DSG1: variants seen among roughly 807,000 people sequenced by gnomAD.
The protein encoded by DSG1 is desmoglein-1.
DSG1 carries 39 observed loss-of-function variants against 97.5 expected under a neutral mutation model. The observed-to-expected ratio is 0.40, with a 90% CI of 0.31 to 0.52. The LOEUF (loss-of-function observed/expected upper bound fraction) is 0.52. Among genes scored for constraint, DSG1 ranks in the 20% least tolerant of loss-of-function variants. The probability of loss-of-function intolerance (pLI) is 0.53; values close to 1 mark genes in which losing one functional copy is unlikely to be tolerated. For synonymous variants in DSG1, 475 were observed against 443.4 expected (o/e 1.07, Z -0.90); for missense variants, 1,311 against 1,295.4 (o/e 1.01, Z -0.18).
Position 31,337,662 on chromosome 18 carries a change from C to A in DSG1, c.1266-653C>A, listed in dbSNP as rs2071764017. On this transcript the variant is annotated intron_variant, in intron 9 of 14. Transcript: ENST00000257192. ...ATGTTGCTGATGAGCGCTCTTGTACCCCACAGGAGTGAGTTCACTGAAGGT... is the reference window on the plus strand; with the variant it reads ...ATGTTGCTGATGAGCGCTCTTGTACACCACAGGAGTGAGTTCACTGAAGGT... 2.0e-5 allele frequency among the ~76,000 whole-genome samples: 3 copies of A among 152,094 alleles called. No homozygotes were observed. In the South Asian group the frequency reaches 6.2e-4, roughly 32 times the overall value.
At chr18:31,326,444 C>T (rs1057166579) in intron 1 of DSG1, 137 bp from the exon 2 acceptor site, 1 of 685,226 alleles carries the variant, frequency 1.5e-6, no homozygotes. Context: ...ACCAAATCCA[C>T]CTGCTATTTG....
intron 11 of DSG1, among the ~76,000 whole-genome samples, chr18:31,342,758 A>C (rs905058668): frequency 6.6e-6 from 1 of 152,218 alleles, no homozygotes; most frequent in African/African-American, 2.4e-5. Flanking sequence ...AAAGGAAGAC[A>C]ATAAAGACAT....
intron 3 of DSG1, 57 bp downstream of exon 3, chr18:31,327,062 G>T (rs1022195826): frequency 6.3e-7 from 1 of 1,598,786 alleles, no homozygotes; most frequent in Non-Finnish European, 8.6e-7. Flanking sequence ...AGTTTCAAAA[G>T]AAACTGTCTG....
At chr18:31,344,859 G>A (rs570880181) in intron 13 of DSG1, among the ~76,000 whole-genome samples, 1 of 152,110 alleles carries the variant, frequency 6.6e-6, no homozygotes, top group Non-Finnish European at 1.5e-5. Flanking sequence ...TTTTCTCATA[G>A]TCTTTTTAAA....
chr18:31,355,286 C>T lies in DSG1; in HGVS notation c.3090C>T (p.Ala1030=). 2 of 1,613,850 alleles carry T rather than the reference C, an allele frequency of 1.2e-6. No homozygotes were observed. The highest frequency in any genetic ancestry group is 1.7e-6 in the Non-Finnish European group (2 of 1,179,848). ...ACTTTAACCAAACCATTGGGTCCGC[C>T]TCCCCTAGCACAGCTCGAAGTCGAA... ...DHHFNQTIGS[A]SPSTARSRIT... is the part of the protein sequence containing the mutation. Residue 1030 remains alanine (A), a synonymous_variant, in exon 15 of 15, where the codon GCC becomes GCT. Coordinates refer to ENST00000257192, the MANE Select transcript of DSG1 (RefSeq NM_001942.4).
At chr18:31,333,825 A>G in intron 7 of DSG1, 102 bp downstream of exon 7, 1 of 1,425,180 alleles carries the variant, frequency 7.0e-7, no homozygotes, top group Non-Finnish European at 9.9e-7. Flanking sequence ...TTATTGACAT[A>G]CAACCCAAAT....
Position 31,354,859 on chromosome 18 carries a change from A to G in DSG1, c.2663A>G (p.Asp888Gly), listed in dbSNP as rs1208601331. Residue 888 changes from aspartate to glycine, a missense_variant, in exon 15 of 15, where the codon GAT becomes GGT. By Grantham distance (94) the Asp-to-Gly change is moderately conservative. Transcript: ENST00000257192. ...ATGTTAGAGATGCCTGACTTGCGAG[A>G]TGGGTCGAATGTTATAGTGACAGAA... is the stretch of plus-strand genomic sequence containing the variant. ...HGMLEMPDLR[D>G]GSNVIVTERV... The G allele has an allele frequency of 1.2e-6, 2 of 1,614,032 alleles. No homozygotes were observed. The highest frequency in any genetic ancestry group is 1.3e-5 in the African/African-American group (1 of 74,922).
intron 1 of DSG1, among the ~76,000 whole-genome samples, chr18:31,325,259 C>A (rs1305200493): frequency 6.6e-6 from 1 of 152,112 alleles, no homozygotes; most frequent in Non-Finnish European, 1.5e-5. Context: ...AAAGAGTGAC[C>A]CAGCTTCATA....
Position 31,356,131 on chromosome 18 carries a change from A to C in DSG1, c.*785A>C, listed in dbSNP as rs1048188127. The C allele has an allele frequency of 1.3e-5, 2 of 152,118 alleles. No individual in the cohort carries two copies. The highest frequency in any genetic ancestry group is 2.4e-5 in the African/African-American group (1 of 41,406). The allele number at this position is 152,118 out of a possible 1,614,324, so 9.4% of individuals were successfully genotyped here. A position where few individuals can be genotyped will look rare whatever the true frequency, so the allele number is the denominator to read the frequency against. Reference sequence around the variant, plus strand: ...TACTGGTGAGGTTGAGGAATATCACACTCGTCTTTCCCTTTACCACTGTGG... The same window carrying C: ...TACTGGTGAGGTTGAGGAATATCACCCTCGTCTTTCCCTTTACCACTGTGG... On this transcript the variant is annotated 3_prime_UTR_variant, in exon 15 of 15. Transcript: ENST00000257192.
intron 13 of DSG1, among the ~76,000 whole-genome samples, chr18:31,345,204 G>A (rs2071821809): frequency 6.6e-6 from 1 of 152,102 alleles, no homozygotes; most frequent in African/African-American, 2.4e-5. Flanking sequence ...GAAAACTGAA[G>A]CATGAAAAAC....
At position 31,354,904 on chromosome 18, in the gene DSG1, C is replaced by G. The variant is rs767297675; in HGVS notation, c.2708C>G (p.Ser903Cys). Residue 903 changes from serine to cysteine, a missense_variant, in exon 15 of 15, where the codon TCT becomes TGT. Coordinates refer to ENST00000257192, the MANE Select transcript of DSG1 (RefSeq NM_001942.4). ...IVTERVIAPS[S>C]SLPTSLTIHH... ...ACAGAAAGGGTAATAGCACCAAGCT[C>G]TAGTCTACCCACCTCTCTGACTATC... 4 of 1,614,192 alleles carry G rather than the reference C, an allele frequency of 2.5e-6. No individual in the cohort carries two copies. Among genetic ancestry groups the G allele is most frequent in the South Asian group, 2.2e-5 (2 of 91,080 alleles).
intron 9 of DSG1, among the ~76,000 whole-genome samples, chr18:31,336,926 C>G (rs568366196): frequency 6.6e-6 from 1 of 152,296 alleles, no homozygotes; most frequent in Non-Finnish European, 1.5e-5. Flanking sequence ...TGATTCGTCT[C>G]TCAGAAGAGT....
chr18:31,333,384 A>G (rs1212535432), intron 6 of DSG1, among the ~76,000 whole-genome samples: 1 of 152,162 alleles, frequency 6.6e-6, no homozygotes, highest in African/African-American at 2.4e-5. Context: ...AGCCTTTTAA[A>G]ACGTGTTGCA....
In DSG1 at chr18:31,323,976, C is replaced by CTTTTTTTTTT. The variant is rs1203163479; in HGVS notation, c.49-2592_49-2583dup. Among the ~76,000 whole-genome samples, 71 of 94,966 alleles carry CTTTTTTTTTT rather than the reference C, an allele frequency of 7.5e-4. 1 individual carries two copies. Among genetic ancestry groups the CTTTTTTTTTT allele is most frequent in the South Asian group, 1.3e-3 (3 of 2,296 alleles). The allele number at this position is 94,966 out of a possible 152,430, so 62.3% of individuals were successfully genotyped here. On this transcript the variant is annotated intron_variant, in intron 1 of 14. Coordinates refer to ENST00000257192, the MANE Select transcript of DSG1 (RefSeq NM_001942.4). ...TCTTTCGCCACTCCTTCTCTCCTTC[C>CTTTTTTTTTT]TTTTTTTTTTTTTTTTTTTTTTCTT...
intron 1 of DSG1, among the ~76,000 whole-genome samples, chr18:31,323,976 C>CTTTT (rs1203163479): frequency 0.012 from 1,166 of 95,024 alleles, 50 homozygotes; most frequent in African/African-American, 0.03. Flanking sequence ...TCTCTCCTTC[C>CTTTT]TTTTTTTTTT....
chr18:31,342,148 G>T (rs937133729), intron 11 of DSG1, among the ~76,000 whole-genome samples: 1 of 152,070 alleles, frequency 6.6e-6, no homozygotes, highest in Admixed American at 6.5e-5. Flanking sequence ...TGGCCAGGAT[G>T]ATCTCGATCT....
rs1232296115 is a variant in DSG1, at chr18:31,356,953, A to C, written c.*1607A>C. 1 of 152,154 alleles carries C rather than the reference A, an allele frequency of 6.6e-6. No homozygotes were observed. Among genetic ancestry groups the C allele is most frequent in the Non-Finnish European group, 1.5e-5 (1 of 68,008 alleles). 9.4% of individuals were successfully genotyped at this position (152,154 alleles called of 1,614,324 possible). The stretch of plus-strand genomic sequence containing the variant: ...ATGGTACAGAAATTTTTTCTTTCTT[A>C]AATACAATGTTACTATAAGCTCACT... On this transcript the variant is annotated 3_prime_UTR_variant, in exon 15 of 15. Coordinates refer to ENST00000257192, the MANE Select transcript of DSG1 (RefSeq NM_001942.4).
Position 31,358,118 on chromosome 18 carries a change from C to CA in DSG1, c.*2776dup, listed in dbSNP as rs1160431560. ...GAGTTTCAGATCAACTTGCTCTTAACAAAAGGAAAAAGAAATAGTAATTTA... is the reference window on the plus strand; with the variant it reads ...GAGTTTCAGATCAACTTGCTCTTAACAAAAAGGAAAAAGAAATAGTAATTTA... On this transcript the variant is annotated 3_prime_UTR_variant, in exon 15 of 15. Coordinates refer to ENST00000257192, the MANE Select transcript of DSG1 (RefSeq NM_001942.4). 6.6e-6 allele frequency among the ~76,000 whole-genome samples: 1 copy of CA among 151,770 alleles called. No homozygotes were observed. Among genetic ancestry groups the CA allele is most frequent in the Non-Finnish European group, 1.5e-5 (1 of 67,774 alleles).
At chr18:31,320,390 T>G (rs2071646095) in intron 1 of DSG1, among the ~76,000 whole-genome samples, 1 of 152,148 alleles carries the variant, frequency 6.6e-6, no homozygotes, top group African/African-American at 2.4e-5. Context: ...GTTAAGGCCT[T>G]TAAGATATTT....
Sources: gnomAD v4.1 joint callset for allele counts (sites outside exome capture counted in the v4.1 genomes callset) on GRCh38, gnomAD v4.1.1 for gene constraint, MANE v1.5 for transcripts, NCBI Gene and HGNC (gene_info 2026-07-23, HGNC 2026-07-21) for gene names.